The following ZFAT variants were observed in gnomAD, a reference collection of about 807,000 sequenced individuals.
ZFAT encodes zinc finger and AT-hook domain containing, also known as zinc finger protein ZFAT.
A neutral mutation model predicts 117.7 loss-of-function variants in ZFAT; 64 were observed. The ratio of observed to expected loss-of-function variants is 0.54; its 90% CI spans 0.44 to 0.67. The LOEUF (loss-of-function observed/expected upper bound fraction) is 0.67. Ranked by LOEUF, ZFAT falls within the 30% of genes least tolerant of loss-of-function variation. The pLI is 0.00. For synonymous variants in ZFAT, 679 were observed against 615.0 expected (o/e 1.10, Z -1.54); for missense variants, 1,433 against 1,584.5 (o/e 0.90, Z 1.62).
upstream of ZFAT, among the ~76,000 whole-genome samples, chr8:134,713,898 T>TG (rs1317571603): frequency 2.2e-5 from 3 of 133,996 alleles, no homozygotes; most frequent in Non-Finnish European, 3.2e-5. Context: ...CCTCTGTCAA[T>TG]GGTCACCCCG....
chr8:134,804,782 G>C, the ZFAT span: 12 of 486,992 alleles, frequency 2.5e-5, no homozygotes, highest in South Asian at 1.7e-4. Context: ...AAAGAATGCA[G>C]CTAAAGATTT....
intron 3 of ZFAT, among the ~76,000 whole-genome samples, chr8:134,616,299 A>T (rs777146261): frequency 1.3e-5 from 2 of 152,184 alleles, no homozygotes; most frequent in Non-Finnish European, 2.9e-5. Context: ...AGAGAAAGAC[A>T]CTTTAACAAC....
At position 134,602,602 on chromosome 8, in the gene ZFAT, T is replaced by C. The variant is rs776856670; in HGVS notation, c.1117A>G (p.Ile373Val). 8.7e-6 allele frequency: 14 copies of C among 1,614,168 alleles called. No individual in the cohort carries two copies. Among genetic ancestry groups the C allele is most frequent in the Non-Finnish European group, 1.2e-5 (14 of 1,180,040 alleles). The part of the protein sequence containing the change: ...YSDVKNLIKH[I>V]RDAHDPQDKK... ...TCCTGTGGGTCATGCGCGTCTCGGA[T>C]GTGCTTGATGAGGTTCTTGACGTCA... Residue 373 changes from isoleucine to valine, a missense_variant, in exon 6 of 16, where the codon ATC becomes GTC. Ile to Val is a conservative substitution (Grantham distance 29). This residue lies in a region of ZFAT where 436 missense variants were observed against 482.0 expected (regional missense o/e 0.90). Transcript: ENST00000377838.
rs535426188 is a variant in ZFAT, at chr8:134,546,894, C to T, written c.2977-13922G>A. On this transcript the variant is annotated intron_variant, in intron 11 of 15. Transcript: ENST00000377838. Reference sequence around the variant, plus strand: ...CAGTTTACACAAAGAACAGTGGAAACGCCTCAGTTAAAGGAACAGAACCAA... The same window carrying T: ...CAGTTTACACAAAGAACAGTGGAAATGCCTCAGTTAAAGGAACAGAACCAA... Among the ~76,000 whole-genome samples the T allele has an allele frequency of 7.6e-4, 116 of 152,294 alleles. 2 individuals are homozygous for T. The South Asian group carries it at 0.02, about 26-fold the overall frequency.
In ZFAT at chr8:134,602,092, C is replaced by T; in HGVS notation, c.1627G>A (p.Glu543Lys). 1 of 1,611,868 alleles carries T rather than the reference C, an allele frequency of 6.2e-7. No homozygotes were observed. Among genetic ancestry groups the T allele is most frequent in the Non-Finnish European group, 8.5e-7 (1 of 1,179,340 alleles). ...GCCTCCGGCTCCTTCCGGCCCTCCT[C>T]CAGCTGAGTGTCCCCAGGACAGGCC... ...EEACPGDTQL[E>K]EGRKEPEAPG... The change falls in exon 6 of 16, where the codon GAG becomes AAG. Residue 543 changes from glutamate to lysine, a missense_variant. By Grantham distance (56) the Glu-to-Lys change is moderately conservative (BLOSUM62 1). Coordinates refer to ENST00000377838, the MANE Select transcript of ZFAT (RefSeq NM_020863.4).
intron 3 of ZFAT, among the ~76,000 whole-genome samples, chr8:134,627,831 T>C (rs893332140): frequency 1.3e-5 from 2 of 152,176 alleles, no homozygotes; most frequent in Non-Finnish European, 2.9e-5. Flanking sequence ...CTTGGTCTGT[T>C]TGTGCCGAAT....
intron 1 of ZFAT, among the ~76,000 whole-genome samples, chr8:134,671,000 T>C (rs1349470744): frequency 6.6e-6 from 1 of 152,106 alleles, no homozygotes; most frequent in Admixed American, 6.5e-5. Flanking sequence ...CTAGAAAATC[T>C]AGAAGAAATG....
At chr8:134,628,541 G>A (rs1829677027) in intron 3 of ZFAT, among the ~76,000 whole-genome samples, 1 of 152,202 alleles carries the variant, frequency 6.6e-6, no homozygotes, top group Admixed American at 6.5e-5. Flanking sequence ...GGTGGAAGGT[G>A]AAAGGCATAC....
At chr8:134,768,060 T>C in the ZFAT span, among the ~76,000 whole-genome samples, 2 of 152,212 alleles carry the variant, frequency 1.3e-5, no homozygotes, top group South Asian at 4.1e-4. Flanking sequence ...ATTCTGTATA[T>C]AGGCATACCT....
intron 7 of ZFAT, among the ~76,000 whole-genome samples, chr8:134,590,686 C>G (rs1358784578): frequency 2.2e-5 from 3 of 136,366 alleles, no homozygotes; most frequent in African/African-American, 8.1e-5. Context: ...ACACCACCAC[C>G]ACCAACAACA....
chr8:134,801,009 C>T, the ZFAT span, among the ~76,000 whole-genome samples: 1 of 152,146 alleles, frequency 6.6e-6, no homozygotes, highest in Non-Finnish European at 1.5e-5. Flanking sequence ...TCCAGCCTTC[C>T]TATATCCTTC....
intron 1 of ZFAT, among the ~76,000 whole-genome samples, chr8:134,710,914 A>T (rs913740412): frequency 1.3e-5 from 2 of 152,224 alleles, no homozygotes; most frequent in Non-Finnish European, 2.9e-5. Flanking sequence ...TTATTTACAC[A>T]TAAGTCCTTA....
At chr8:134,620,819 C>A (rs1482136505) in intron 3 of ZFAT, among the ~76,000 whole-genome samples, 3 of 152,168 alleles carry the variant, frequency 2.0e-5, no homozygotes, top group Non-Finnish European at 4.4e-5. Flanking sequence ...GAACAGCTGA[C>A]AAGCAGATGT....
chr8:134,819,112 T>C, the ZFAT span, among the ~76,000 whole-genome samples: 1 of 152,158 alleles, frequency 6.6e-6, no homozygotes, highest in Non-Finnish European at 1.5e-5. Flanking sequence ...CCGAAAGTGT[T>C]AAGGACAATA....
chr8:134,817,311 G>A, the ZFAT span, among the ~76,000 whole-genome samples: 1 of 151,414 alleles, frequency 6.6e-6, no homozygotes, highest in East Asian at 1.9e-4. Flanking sequence ...CATCCTGCCT[G>A]CCAATTCTAT....
intron 1 of ZFAT, among the ~76,000 whole-genome samples, chr8:134,666,087 T>C (rs1275592246): frequency 1.3e-5 from 2 of 152,208 alleles, no homozygotes; most frequent in Non-Finnish European, 2.9e-5. Flanking sequence ...CACTGTCCAC[T>C]GAAGTGTCAC....
chr8:134,789,698 C>T, the ZFAT span, among the ~76,000 whole-genome samples: 7 of 152,130 alleles, frequency 4.6e-5, no homozygotes, highest in South Asian at 2.1e-4. Flanking sequence ...GTTATAGTAC[C>T]GGACACCTGG....
At chr8:134,730,825 T>A in the ZFAT span, among the ~76,000 whole-genome samples, 1 of 152,218 alleles carries the variant, frequency 6.6e-6, no homozygotes, top group African/African-American at 2.4e-5. Flanking sequence ...TGAGCAACTT[T>A]AAAGAAGCTA....
intron 15 of ZFAT, among the ~76,000 whole-genome samples, chr8:134,484,933 C>T (rs931980488): frequency 4.6e-5 from 7 of 152,052 alleles, no homozygotes; most frequent in African/African-American, 9.7e-5. Context: ...GTAGCTGGGA[C>T]CATCCTTGGA....
Sources: gnomAD v4.1 joint callset for allele counts (sites outside exome capture counted in the v4.1 genomes callset) on GRCh38, gnomAD v4.1.1 for gene constraint, gnomAD v4.1.1 regional missense constraint, MANE v1.5 for transcripts, NCBI Gene and HGNC (gene_info 2026-07-23, HGNC 2026-07-21) for gene names.